The following UGT1A5 variants were observed in gnomAD, a reference collection of about 807,000 sequenced individuals.
The protein encoded by UGT1A5 is UDP glucuronosyltransferase family 1 member A5, also known as UDP-glucuronosyltransferase 1A5.
A neutral mutation model predicts 40.3 loss-of-function variants in UGT1A5; 29 were observed. The ratio of observed to expected loss-of-function variants is 0.72; its 90% CI spans 0.54 to 0.98. UGT1A5 has a LOEUF of 0.98. UGT1A5 is among the 50% of genes least tolerant of loss of function. The pLI, the probability that UGT1A5 is intolerant of heterozygous loss-of-function variation, is 0.00. For synonymous variants in UGT1A5, 257 were observed against 262.5 expected, an observed-to-expected ratio of 0.98 and a Z score of 0.20; for missense variants, 678 against 677.9, an observed-to-expected ratio of 1.00 and a Z score of 0.00.
At chr2:233,719,051 G>T in intron 1 of UGT1A5, 1 of 1,614,262 alleles carries the variant, frequency 6.2e-7, no homozygotes, top group Non-Finnish European at 8.5e-7. Context: ...TTTTCACCCT[G>T]ACAGCCTATG....
rs569949528 is a variant in UGT1A5, at chr2:233,742,141, C to T, written c.868-24893C>T. ...GGTCGTGGAGACCCTAACCCAGCAG[C>T]GCTAGACGAATTAAAGACACACACA... On this transcript the variant is annotated intron_variant, in intron 1 of 4. Transcript: ENST00000373414. 6.5e-4 allele frequency among the ~76,000 whole-genome samples: 99 copies of T among 151,946 alleles called. No homozygotes were observed. The South Asian group carries it at 0.02, about 31-fold the overall frequency.
rs28898618 is a variant in UGT1A5, at chr2:233,729,359, C to T, written c.867+15501C>T. ...AAAGAAGAGAACTTTTTCACCCTGA[C>T]AACCTATGCCATTTCGTGGACCCAG... is the stretch of plus-strand genomic sequence containing the variant. On this transcript the variant is annotated intron_variant, in intron 1 of 4. Transcript: ENST00000373414. 8.4e-4 allele frequency: 1,362 copies of T among 1,614,128 alleles called. 14 individuals are homozygous for T. The African/African-American group carries it at 0.016, about 19-fold the overall frequency.
At chr2:233,748,877 GAAT>G (rs1390549231) in intron 1 of UGT1A5, among the ~76,000 whole-genome samples, 4 of 151,560 alleles carry the variant, frequency 2.6e-5, no homozygotes, top group Non-Finnish European at 4.4e-5. Flanking sequence ...GGACGGTGAT[GAAT>G]GGACATGTGT....
At chr2:233,718,838 G>A (rs529035115) in intron 1 of UGT1A5, 2 of 1,613,656 alleles carry the variant, frequency 1.2e-6, no homozygotes, top group East Asian at 2.2e-5. Flanking sequence ...GAGGACTCCA[G>A]GTTCCCCTGC....
rs767620587 is a variant in UGT1A5, at chr2:233,754,884, G to C, written c.868-12150G>C. 5.9e-6 allele frequency: 8 copies of C among 1,350,598 alleles called. No homozygotes were observed. In the Admixed American group the frequency reaches 7.6e-5, roughly 13 times the overall value. The allele number at this position is 1,350,598 out of a possible 1,614,324, so 83.7% of individuals were successfully genotyped here. A position where few individuals can be genotyped will look rare whatever the true frequency, so the allele number is the denominator to read the frequency against. ...AGACCCTCTGCTTCTGCTTCCCAGG[G>C]AGTTCCTCTGACCCCCCAAAATATT... On this transcript the variant is annotated intron_variant, in intron 1 of 4. Coordinates refer to ENST00000373414, the MANE Select transcript of UGT1A5 (RefSeq NM_019078.2).
intron 1 of UGT1A5, among the ~76,000 whole-genome samples, chr2:233,736,167 C>T (rs1159152421): frequency 6.6e-6 from 1 of 152,232 alleles, no homozygotes; most frequent in Non-Finnish European, 1.5e-5. Context: ...TAGATTTGGT[C>T]TTTCCACATA....
intron 1 of UGT1A5, among the ~76,000 whole-genome samples, chr2:233,757,432 C>T (rs1207849155): frequency 1.3e-5 from 2 of 151,156 alleles, no homozygotes; most frequent in Non-Finnish European, 2.9e-5. Context: ...GAAGAAAAGT[C>T]ACTTCTATAC....
At chr2:233,768,722 A>G (rs1461787067) in intron 4 of UGT1A5, among the ~76,000 whole-genome samples, 1 of 150,864 alleles carries the variant, frequency 6.6e-6, no homozygotes, top group Non-Finnish European at 1.5e-5. Flanking sequence ...AGCTGGGATT[A>G]CAGGTGTCCA....
rs377501831 is a variant in UGT1A5, at chr2:233,767,899, G to A, written c.1050G>A (p.Thr350=). The A allele has an allele frequency of 2.4e-5, 38 of 1,614,024 alleles. No homozygotes were observed. Among genetic ancestry groups the A allele is most frequent in the Admixed American group, 8.3e-5 (5 of 59,994 alleles). ...GTRPSNLANN[T]ILVKWLPQND... ...GACCATCGAATCTTGCGAACAACAC[G>A]ATACTTGTTAAGTGGCTACCCCAAA... The change falls in exon 3 of 5, where the codon ACG becomes ACA. Residue 350 remains threonine (T), a synonymous_variant. Transcript: ENST00000373414.
In UGT1A5 at chr2:233,747,491, G is replaced by C. The variant is rs1270962387; in HGVS notation, c.868-19543G>C. 1.3e-5 allele frequency: 21 copies of C among 1,608,968 alleles called. No individual in the cohort carries two copies. The East Asian group carries it at 2.7e-4, about 20-fold the overall frequency. On this transcript the variant is annotated intron_variant, in intron 1 of 4. Transcript: ENST00000373414. The stretch of plus-strand genomic sequence containing the variant: ...CCCAGGATGAATTTGATCGCCTTGT[G>C]CTGGGCCACACTCAACTGTACTTTG...
At position 233,730,325 on chromosome 2, in the gene UGT1A5, C is replaced by A. The variant is rs532901219; in HGVS notation, c.867+16467C>A. On this transcript the variant is annotated intron_variant, in intron 1 of 4. Transcript: ENST00000373414. ...CTTCAGCTTGGCAGGAACAGGGACA[C>A]TACGTTTGGAACTGATCCATCCTGG... 4.6e-5 allele frequency among the ~76,000 whole-genome samples: 7 copies of A among 152,252 alleles called. No individual in the cohort carries two copies. In the South Asian group the frequency reaches 1.2e-3, roughly 27 times the overall value.
chr2:233,754,858 C>T lies in UGT1A5; in HGVS notation c.868-12176C>T, dbSNP rs759970086. 1.3e-5 allele frequency: 18 copies of T among 1,350,050 alleles called. No individual in the cohort carries two copies. In the African/African-American group the frequency reaches 2.1e-4, roughly 16 times the overall value. The allele number at this position is 1,350,050 out of a possible 1,614,324, so 83.6% of individuals were successfully genotyped here. ...TCACTGAAGGCAGAGAAAAGGGGTG[C>T]AGACCCTCTGCTTCTGCTTCCCAGG... On this transcript the variant is annotated intron_variant, in intron 1 of 4. Coordinates refer to ENST00000373414, the MANE Select transcript of UGT1A5 (RefSeq NM_019078.2).
chr2:233,758,758 G>C (rs1696968653), intron 1 of UGT1A5, among the ~76,000 whole-genome samples: 1 of 152,210 alleles, frequency 6.6e-6, no homozygotes, highest in Non-Finnish European at 1.5e-5. Context: ...CCAGTGATGT[G>C]TATGGTTCAA....
In UGT1A5 at chr2:233,719,204, T is replaced by C. The variant is rs147848546; in HGVS notation, c.867+5346T>C. 63 of 1,614,240 alleles carry C rather than the reference T, an allele frequency of 3.9e-5. No homozygotes were observed. The African/African-American group carries it at 7.3e-4, about 19-fold the overall frequency. ...TATCTTTGGCCCTTCATAGGTGTTG[T>C]GTGGAGCTACTGCATAATGAGGCCC... is the stretch of plus-strand genomic sequence containing the variant. On this transcript the variant is annotated intron_variant, in intron 1 of 4. Transcript: ENST00000373414.
intron 1 of UGT1A5, among the ~76,000 whole-genome samples, chr2:233,732,486 A>G (rs780972639): frequency 6.6e-6 from 1 of 152,226 alleles, no homozygotes; most frequent in Non-Finnish European, 1.5e-5. Context: ...TAATTTTTGT[A>G]TAAGGCGTAA....
At chr2:233,757,560 A>ATATATATATATATG (rs904896556) in intron 1 of UGT1A5, among the ~76,000 whole-genome samples, 2 of 123,156 alleles carry the variant, frequency 1.6e-5, no homozygotes, top group African/African-American at 6.8e-5. Flanking sequence ...ATATATATAT[A>ATATATATATATATG]TGTATATATG....
chr2:233,746,849 C>A (rs1171057380), intron 1 of UGT1A5, among the ~76,000 whole-genome samples: 1 of 151,698 alleles, frequency 6.6e-6, no homozygotes, highest in African/African-American at 2.4e-5. Flanking sequence ...CCTCTCAGAC[C>A]TCAGCTGCAG....
intron 1 of UGT1A5, among the ~76,000 whole-genome samples, chr2:233,740,113 T>C (rs1443736417): frequency 6.6e-6 from 1 of 151,884 alleles, no homozygotes. Flanking sequence ...CCTTTGCTTA[T>C]CTCTCACCTT....
chr2:233,761,493 C>T (rs34652311), intron 1 of UGT1A5, among the ~76,000 whole-genome samples: 4,469 of 152,304 alleles, frequency 0.029, 206 homozygotes, highest in African/African-American at 0.1. Flanking sequence ...TGCACCTTGC[C>T]CTGGATTCAG....
Sources: allele counts gnomAD v4.1 joint callset (sites outside exome capture counted in the v4.1 genomes callset), GRCh38; gene constraint gnomAD v4.1.1; transcripts MANE v1.5; gene names NCBI Gene and HGNC (gene_info 2026-07-23, HGNC 2026-07-21).